The following NALCN variants were observed in gnomAD, a reference collection of about 807,000 sequenced individuals.
NALCN encodes the protein sodium leak channel NALCN.
A neutral mutation model predicts 225.3 loss-of-function variants in NALCN; 111 were observed. The ratio of observed to expected loss-of-function variants is 0.49; its 90% CI spans 0.42 to 0.58. The LOEUF (loss-of-function observed/expected upper bound fraction) is 0.58. Among genes scored for constraint, NALCN ranks in the 20% least tolerant of loss-of-function variants. The pLI, the probability that NALCN is intolerant of heterozygous loss-of-function variation, is 0.00. For missense variants in NALCN, 1,378 were observed against 2,202.4 expected (o/e 0.63, Z 7.49); for synonymous variants, 764 against 769.0 (o/e 0.99, Z 0.11).
Position 101,054,315 on chromosome 13 carries a change from A to ATTCT in NALCN, c.*976_*979dup, listed in dbSNP as rs2030938470. On this transcript the variant is annotated 3_prime_UTR_variant, in exon 44 of 44. Transcript: ENST00000251127. ...CAGGGCACCATTATTTCCATAGAAGATTCTTTTAACAGAGATGTCATTTCA... is the reference window on the plus strand; with the variant it reads ...CAGGGCACCATTATTTCCATAGAAGATTCTTTCTTTTAACAGAGATGTCATTTCA... 2 of 152,184 alleles carry ATTCT rather than the reference A, an allele frequency of 1.3e-5. No homozygotes were observed. 9.4% of individuals were successfully genotyped at this position (152,184 alleles called of 1,614,324 possible).
At chr13:101,156,027 A>G (rs1034660756) in intron 15 of NALCN, among the ~76,000 whole-genome samples, 1 of 152,016 alleles carries the variant, frequency 6.6e-6, no homozygotes, top group Non-Finnish European at 1.5e-5. Context: ...TATCTGTATA[A>G]ATATGTATTT....
intron 13 of NALCN, among the ~76,000 whole-genome samples, chr13:101,223,101 C>T (rs1188098586): frequency 6.6e-6 from 1 of 152,128 alleles, no homozygotes; most frequent in Admixed American, 6.6e-5. Flanking sequence ...ACAAATTAGT[C>T]CTACCTGACC....
At chr13:101,144,140 G>A (rs1460329227) in intron 16 of NALCN, among the ~76,000 whole-genome samples, 1 of 152,104 alleles carries the variant, frequency 6.6e-6, no homozygotes, top group Non-Finnish European at 1.5e-5. Context: ...ATAACTAGAA[G>A]AATTTCCTTT....
chr13:101,134,901 G>GAAACTATA (rs1161341476), intron 17 of NALCN, among the ~76,000 whole-genome samples: 1 of 152,162 alleles, frequency 6.6e-6, no homozygotes, highest in Non-Finnish European at 1.5e-5. Flanking sequence ...TTAATGATAA[G>GAAACTATA]AAACTATAAA....
intron 14 of NALCN, among the ~76,000 whole-genome samples, chr13:101,178,845 C>T (rs576509022): frequency 6.6e-6 from 1 of 152,160 alleles, no homozygotes; most frequent in Non-Finnish European, 1.5e-5. Context: ...TATTTTCTGC[C>T]TCCGTGATCT....
chr13:101,368,110 A>G (rs906794885), intron 6 of NALCN, among the ~76,000 whole-genome samples: 8 of 150,288 alleles, frequency 5.3e-5, no homozygotes, highest in African/African-American at 9.7e-5. Context: ...CCATTAACTC[A>G]TCATTTAGCA....
intron 10 of NALCN, among the ~76,000 whole-genome samples, chr13:101,258,928 A>G (rs576996169): frequency 6.6e-6 from 1 of 152,354 alleles, no homozygotes; most frequent in Admixed American, 6.5e-5. Context: ...GTAACACAAA[A>G]CAAGTATTTC....
intron 17 of NALCN, among the ~76,000 whole-genome samples, chr13:101,139,308 C>T (rs2036952078): frequency 6.6e-6 from 1 of 152,188 alleles, no homozygotes; most frequent in African/African-American, 2.4e-5. Flanking sequence ...CATCAAACCC[C>T]AGCCCCCTTC....
intron 3 of NALCN, among the ~76,000 whole-genome samples, chr13:101,391,985 G>GA (rs1415606984): frequency 1.5e-5 from 2 of 135,982 alleles, no homozygotes; most frequent in East Asian, 4.2e-4. Flanking sequence ...ACTCCATCTC[G>GA]AAAAAACAAA....
intron 13 of NALCN, among the ~76,000 whole-genome samples, chr13:101,211,873 T>C (rs1024437037): frequency 6.6e-6 from 1 of 152,032 alleles, no homozygotes; most frequent in Non-Finnish European, 1.5e-5. Flanking sequence ...TCATAAATTC[T>C]TGTCTTTCAT....
chr13:101,248,782 C>G (rs879550161), intron 11 of NALCN, among the ~76,000 whole-genome samples: 4 of 152,158 alleles, frequency 2.6e-5, no homozygotes, highest in Non-Finnish European at 5.9e-5. Context: ...TGATTTGCAA[C>G]CTTTTTGCTT....
rs1002357799 is a variant in NALCN at position 101,054,055 on chromosome 13, A to G, written c.*1240T>C. On this transcript the variant is annotated 3_prime_UTR_variant, in exon 44 of 44. Coordinates refer to ENST00000251127, the MANE Select transcript of NALCN (RefSeq NM_052867.4). ...GATTCTGAGATAATCCCTCTGTTAA[A>G]AAACATCTGAACAGCAAATGTCCAA... is the stretch of plus-strand genomic sequence containing the variant. The G allele has an allele frequency of 1.3e-5, 2 of 152,230 alleles. No homozygotes were observed. The highest frequency in any genetic ancestry group is 4.8e-5 in the African/African-American group (2 of 41,464). 9.4% of individuals were successfully genotyped at this position (152,230 alleles called of 1,614,324 possible). A position where few individuals can be genotyped will look rare whatever the true frequency, so the allele number is the denominator to read the frequency against.
At chr13:101,158,188 C>T (rs1281210528) in intron 15 of NALCN, among the ~76,000 whole-genome samples, 1 of 152,220 alleles carries the variant, frequency 6.6e-6, no homozygotes, top group Non-Finnish European at 1.5e-5. Flanking sequence ...TACACCCATT[C>T]AGCACTTATG....
intron 15 of NALCN, among the ~76,000 whole-genome samples, chr13:101,149,276 C>G (rs930217111): frequency 3.2e-4 from 41 of 126,792 alleles, no homozygotes; most frequent in Admixed American, 1.9e-3. Context: ...CTGGGGGACA[C>G]AGCGAGACTG....
chr13:101,109,678 G>A (rs181002165), intron 20 of NALCN, among the ~76,000 whole-genome samples: 46 of 152,156 alleles, frequency 3.0e-4, no homozygotes, highest in African/African-American at 9.2e-4. Context: ...TCATAATTAC[G>A]GTTATTTAAT....
chr13:101,236,975 A>G (rs1399310371), intron 12 of NALCN, among the ~76,000 whole-genome samples: 2 of 151,076 alleles, frequency 1.3e-5, no homozygotes, highest in Non-Finnish European at 3.0e-5. Context: ...AATAAAATAA[A>G]AAATAAATGA....
At chr13:101,264,548 G>A (rs780962868) in intron 10 of NALCN, among the ~76,000 whole-genome samples, 8 of 152,046 alleles carry the variant, frequency 5.3e-5, no homozygotes, top group Non-Finnish European at 8.8e-5. Flanking sequence ...AGGATCTCAG[G>A]CCCCATCCCA....
At position 101,201,886 on chromosome 13, in the gene NALCN, T is replaced by C. The variant is rs529582208; in HGVS notation, c.1627-9832A>G. On this transcript the variant is annotated intron_variant, in intron 13 of 43. Transcript: ENST00000251127. Reference sequence around the variant, plus strand: ...AATAAAATCTACTTGATGATTTATATAGTAGCTCAACCTTTTTATTGAGAG... The same window carrying C: ...AATAAAATCTACTTGATGATTTATACAGTAGCTCAACCTTTTTATTGAGAG... Among the ~76,000 whole-genome samples, 168 of 152,316 alleles carry C rather than the reference T, an allele frequency of 1.1e-3. 1 individual carries two copies. Among genetic ancestry groups the C allele is most frequent in the African/African-American group, 3.8e-3 (157 of 41,578 alleles).
At chr13:101,250,428 T>C (rs1204741694) in intron 11 of NALCN, among the ~76,000 whole-genome samples, 1 of 152,080 alleles carries the variant, frequency 6.6e-6, no homozygotes, top group South Asian at 2.1e-4. Context: ...AGCTTTGATG[T>C]ATAGACACAG....
Sources: allele counts gnomAD v4.1 joint callset (sites outside exome capture counted in the v4.1 genomes callset), GRCh38; gene constraint gnomAD v4.1.1; transcripts MANE v1.5; gene names NCBI Gene and HGNC (gene_info 2026-07-23, HGNC 2026-07-21).